The following FMN1 variants were observed in gnomAD, a reference collection of about 807,000 sequenced individuals.
FMN1 encodes formin 1.
Under a neutral mutation model 132.4 loss-of-function variants are expected in FMN1, and 110 were observed. The observed-to-expected ratio is 0.83, with a 90% CI of 0.71 to 0.97. The LOEUF (loss-of-function observed/expected upper bound fraction) is 0.97. FMN1 is among the 50% of genes least tolerant of loss of function. The pLI, the probability that FMN1 is intolerant of heterozygous loss-of-function variation, is 0.00. For synonymous variants in FMN1, 722 were observed against 651.7 expected (o/e 1.11, Z -1.64); for missense variants, 1,792 against 1,705.3 (o/e 1.05, Z -0.90).
At position 32,766,662 on chromosome 15, in the gene FMN1, T is replaced by C. The variant is rs2056058765; in HGVS notation, c.*7648A>G. On this transcript the variant is annotated 3_prime_UTR_variant, in exon 21 of 21. Coordinates refer to ENST00000616417, the MANE Select transcript of FMN1 (RefSeq NM_001277313.2). ...CATTAACAAGAGGCAGTCACAGCAGTGTGTCTCACATGGGCTCCTTGGTGA... is the reference window on the plus strand; with the variant it reads ...CATTAACAAGAGGCAGTCACAGCAGCGTGTCTCACATGGGCTCCTTGGTGA... 6.6e-6 allele frequency: 1 copy of C among 151,672 alleles called. No homozygotes were observed. Among genetic ancestry groups the C allele is most frequent in the Non-Finnish European group, 1.5e-5 (1 of 68,002 alleles). The allele number at this position is 151,672 out of a possible 1,614,324, so 9.4% of individuals were successfully genotyped here. A position where few individuals can be genotyped will look rare whatever the true frequency, so the allele number is the denominator to read the frequency against.
intron 11 of FMN1, among the ~76,000 whole-genome samples, chr15:32,909,694 A>G (rs922328854): frequency 3.3e-5 from 5 of 152,224 alleles, no homozygotes; most frequent in African/African-American, 1.2e-4. Flanking sequence ...GTAGCCTAAC[A>G]GTCAGTGAAC....
intron 6 of FMN1, among the ~76,000 whole-genome samples, chr15:33,062,364 G>A (rs201480838): frequency 1.3e-5 from 2 of 152,156 alleles, no homozygotes; most frequent in South Asian, 2.1e-4. Flanking sequence ...GCTCACACCT[G>A]TAATCCCAGC....
At chr15:33,070,996 A>G (rs895747493) in intron 5 of FMN1, among the ~76,000 whole-genome samples, 1 of 152,150 alleles carries the variant, frequency 6.6e-6, no homozygotes, top group African/African-American at 2.4e-5. Flanking sequence ...CACACTCTCA[A>G]CCACTCTTCG....
chr15:33,038,356 G>C (rs907918535), intron 6 of FMN1, among the ~76,000 whole-genome samples: 1 of 152,224 alleles, frequency 6.6e-6, no homozygotes, highest in African/African-American at 2.4e-5. Flanking sequence ...ACCTAATTTG[G>C]AGTTAACATT....
chr15:33,168,723 C>T (rs1194092076), intron 3 of FMN1, among the ~76,000 whole-genome samples: 2 of 152,324 alleles, frequency 1.3e-5, no homozygotes, highest in Non-Finnish European at 1.5e-5. Flanking sequence ...GGTATCTGCT[C>T]AAGCATTTAA....
chr15:33,101,448 G>A (rs1406918295), intron 4 of FMN1, among the ~76,000 whole-genome samples: 2 of 150,362 alleles, frequency 1.3e-5, no homozygotes, highest in Admixed American at 1.3e-4. Context: ...ACTAACAATA[G>A]CTGATGAGCT....
chr15:33,110,368 C>G (rs1248250467), intron 4 of FMN1, among the ~76,000 whole-genome samples: 1 of 151,892 alleles, frequency 6.6e-6, no homozygotes, highest in East Asian at 1.9e-4. Context: ...GGTTATGTAT[C>G]AAGTTCAGGA....
chr15:33,067,346 G>A, intron 5 of FMN1: 1 of 1,613,934 alleles, frequency 6.2e-7, no homozygotes, highest in Non-Finnish European at 8.5e-7. Context: ...GTTTTCTTTG[G>A]ACTCCTGAGA....
At chr15:33,067,463 A>C (rs572616024) in intron 5 of FMN1, 1 of 1,614,040 alleles carries the variant, frequency 6.2e-7, no homozygotes, top group African/African-American at 1.3e-5. Context: ...GGTGTGCACC[A>C]GGGTCCCACG....
At chr15:33,120,857 T>G (rs922703734) in intron 4 of FMN1, among the ~76,000 whole-genome samples, 2 of 152,216 alleles carry the variant, frequency 1.3e-5, no homozygotes, top group African/African-American at 4.8e-5. Context: ...CTTTCCATTT[T>G]TTTACAAGCT....
intron 5 of FMN1, among the ~76,000 whole-genome samples, chr15:33,073,668 G>A (rs960640191): frequency 6.6e-6 from 1 of 151,964 alleles, no homozygotes; most frequent in Non-Finnish European, 1.5e-5. Context: ...GGAATAATTT[G>A]GGTAGAATCC....
chr15:33,000,314 T>C (rs1178981997), intron 7 of FMN1, among the ~76,000 whole-genome samples: 3 of 151,920 alleles, frequency 2.0e-5, no homozygotes, highest in Admixed American at 2.0e-4. Flanking sequence ...CTGGGTGCAG[T>C]GGCGGCCGCC....
Position 32,968,894 on chromosome 15 carries a change from G to A in FMN1, c.2807C>T (p.Pro936Leu), listed in dbSNP as rs754233633. 1.1e-6 allele frequency: 1 copy of A among 884,478 alleles called. No individual in the cohort carries two copies. Among genetic ancestry groups the A allele is most frequent in the South Asian group, 1.7e-5 (1 of 59,096 alleles). 54.8% of individuals were successfully genotyped at this position (884,478 alleles called of 1,614,324 possible). A position where few individuals can be genotyped will look rare whatever the true frequency, so the allele number is the denominator to read the frequency against. ...AGGAGGAGGCCCTCCAGGGTTGGGT[G>A]GGGCAGGGGAGTTAGGAAGTGGGGG... ...PPPPLPNSPA[P>L]PNPGGPPPAP... The change falls in exon 8 of 21, where the codon CCA (proline) becomes CTA (leucine). Residue 936 changes from proline to leucine, a missense_variant. Coordinates refer to ENST00000616417, the MANE Select transcript of FMN1 (RefSeq NM_001277313.2).
chr15:33,042,336 G>C (rs2036478027), intron 6 of FMN1, among the ~76,000 whole-genome samples: 1 of 152,084 alleles, frequency 6.6e-6, no homozygotes, highest in Admixed American at 6.5e-5. Flanking sequence ...AAATTTAATA[G>C]AATTCCAGTA....
chr15:33,139,000 C>T (rs768889529), intron 4 of FMN1, among the ~76,000 whole-genome samples: 1 of 152,130 alleles, frequency 6.6e-6, no homozygotes. Flanking sequence ...GCACACTGGC[C>T]ATACCAAGCC....
chr15:33,011,743 T>C (rs2034738277), intron 6 of FMN1, among the ~76,000 whole-genome samples: 2 of 152,074 alleles, frequency 1.3e-5, no homozygotes, highest in Admixed American at 6.6e-5. Context: ...AAATGCATCC[T>C]ACAAAACTAT....
At chr15:33,111,553 A>G (rs2039705551) in intron 4 of FMN1, among the ~76,000 whole-genome samples, 1 of 152,228 alleles carries the variant, frequency 6.6e-6, no homozygotes, top group Admixed American at 6.5e-5. Flanking sequence ...TACGCATAAT[A>G]GCCAAAAGGT....
intron 5 of FMN1, among the ~76,000 whole-genome samples, chr15:33,074,185 G>A (rs367942664): frequency 2.0e-5 from 3 of 152,222 alleles, no homozygotes; most frequent in South Asian, 4.1e-4. Context: ...CTGCTATGCT[G>A]TGGGATCTTA....
At chr15:32,973,068 T>TGA (rs2140695361) in intron 7 of FMN1, among the ~76,000 whole-genome samples, 1 of 152,336 alleles carries the variant, frequency 6.6e-6, no homozygotes, top group East Asian at 1.9e-4. Flanking sequence ...ACAAAGGCAA[T>TGA]GAGCATTTTC....
Sources: gnomAD v4.1 joint callset for allele counts (sites outside exome capture counted in the v4.1 genomes callset) on GRCh38, gnomAD v4.1.1 for gene constraint, MANE v1.5 for transcripts, NCBI Gene and HGNC (gene_info 2026-07-23, HGNC 2026-07-21) for gene names.